Variants in RGS6 observed in about 807,000 individuals in gnomAD.
RGS6 encodes regulator of G-protein signaling 6.
Under a neutral mutation model 78.5 loss-of-function variants are expected in RGS6, and 30 were observed. The observed-to-expected ratio is 0.38, with a 90% CI of 0.29 to 0.52. The LOEUF (loss-of-function observed/expected upper bound fraction) is 0.52, where lower values mean the gene tolerates loss of function less well. Among genes scored for constraint, RGS6 ranks in the 20% least tolerant of loss-of-function variants. RGS6 has a pLI of 0.85. For synonymous variants in RGS6, 206 were observed against 206.0 expected, an observed-to-expected ratio of 1.00 and a Z score of 0.00; for missense variants, 495 against 609.7, an observed-to-expected ratio of 0.81 and a Z score of 1.98.
At chr14:72,505,763 C>G (rs570782541) in intron 13 of RGS6, among the ~76,000 whole-genome samples, 1 of 152,336 alleles carries the variant, frequency 6.6e-6, no homozygotes, top group East Asian at 1.9e-4. Context: ...AATACAATGT[C>G]AGCCTCCCTG....
At chr14:72,570,326 G>A (rs921789840), downstream of RGS6, among the ~76,000 whole-genome samples, 12 of 152,224 alleles carry the variant, frequency 7.9e-5, no homozygotes, top group South Asian at 6.2e-4. Flanking sequence ...TTTGGTATCC[G>A]TGGGAAAAGG....
At chr14:72,132,559 A>T (rs1408517495) in intron 2 of RGS6, among the ~76,000 whole-genome samples, 1 of 152,064 alleles carries the variant, frequency 6.6e-6, no homozygotes, top group Non-Finnish European at 1.5e-5. Context: ...GATTACACAC[A>T]TGAGCCACCA....
At chr14:72,021,227 C>T (rs1025593366) in intron 2 of RGS6, among the ~76,000 whole-genome samples, 13 of 152,122 alleles carry the variant, frequency 8.5e-5, no homozygotes, top group Admixed American at 6.5e-5. Context: ...TTCCCACAGC[C>T]GTTGTGGATA....
chr14:72,365,513 G>A (rs2082293825), intron 3 of RGS6, among the ~76,000 whole-genome samples: 1 of 152,160 alleles, frequency 6.6e-6, no homozygotes, highest in South Asian at 2.1e-4. Flanking sequence ...CTACCAGTTG[G>A]AACAGTGACA....
chr14:71,931,118 C>T (rs1203049917), upstream of RGS6, among the ~76,000 whole-genome samples: 3 of 151,674 alleles, frequency 2.0e-5, no homozygotes, highest in East Asian at 1.9e-4. Flanking sequence ...GCTCCACAAC[C>T]GGCTTGAGCC....
chr14:72,466,977 A>G (rs1487314656), intron 7 of RGS6, among the ~76,000 whole-genome samples: 2 of 152,110 alleles, frequency 1.3e-5, no homozygotes, highest in Admixed American at 6.5e-5. Context: ...CACATGAGGT[A>G]TCTACTTCCC....
chr14:72,404,814 G>A (rs1029516712), intron 3 of RGS6, among the ~76,000 whole-genome samples: 1 of 152,178 alleles, frequency 6.6e-6, no homozygotes, highest in Admixed American at 6.5e-5. Context: ...TGCATCCCGA[G>A]ATAGCGAGAG....
intron 2 of RGS6, among the ~76,000 whole-genome samples, chr14:72,255,414 C>G (rs1395994125): frequency 6.6e-6 from 1 of 152,194 alleles, no homozygotes; most frequent in African/African-American, 2.4e-5. Flanking sequence ...AAATATATTA[C>G]AACTAGGACA....
chr14:72,074,796 G>A (rs1269763987), intron 2 of RGS6, among the ~76,000 whole-genome samples: 14 of 152,128 alleles, frequency 9.2e-5, no homozygotes, highest in Admixed American at 9.2e-4. Context: ...AAGTAAGACA[G>A]TCATCAACAG....
At chr14:72,446,347 T>C (rs2095363099) in intron 3 of RGS6, among the ~76,000 whole-genome samples, 2 of 152,170 alleles carry the variant, frequency 1.3e-5, no homozygotes, top group Admixed American at 1.3e-4. Context: ...CAGACATCGA[T>C]CAAATAATTA....
chr14:72,156,425 G>A (rs367876901), intron 2 of RGS6, among the ~76,000 whole-genome samples: 43 of 132,208 alleles, frequency 3.3e-4, no homozygotes, highest in East Asian at 2.4e-3. Context: ...CTGCACTCCA[G>A]CCTGGGTGAC....
At position 72,496,926 on chromosome 14, in the gene RGS6, T is replaced by G. The variant is rs73298801; in HGVS notation, c.965+1664T>G. ...GTCTTTCCATGTAAACACATATAGA[T>G]CCACCTTACTCTTTTTAATAGCTAC... On this transcript the variant is annotated intron_variant, in intron 13 of 17. Coordinates refer to ENST00000553525, the MANE Select transcript of RGS6 (RefSeq NM_001204424.2). Among the ~76,000 whole-genome samples, 1,332 of 152,280 alleles carry G rather than the reference T, an allele frequency of 8.7e-3. 15 individuals are homozygous for G. The highest frequency in any genetic ancestry group is 0.029 in the African/African-American group (1,208 of 41,556).
intron 2 of RGS6, among the ~76,000 whole-genome samples, chr14:72,153,157 C>G (rs1184156298): frequency 6.6e-6 from 1 of 152,184 alleles, no homozygotes; most frequent in African/African-American, 2.4e-5. Context: ...GTCACTTGCT[C>G]TCTGTTGGGA....
chr14:72,150,351 G>GA (rs1038535193), intron 2 of RGS6, among the ~76,000 whole-genome samples: 1 of 152,086 alleles, frequency 6.6e-6, no homozygotes, highest in African/African-American at 2.4e-5. Flanking sequence ...TCAACACCTT[G>GA]ATTCCAGACT....
chr14:72,310,383 C>G (rs912092454), intron 2 of RGS6, among the ~76,000 whole-genome samples: 1 of 152,180 alleles, frequency 6.6e-6, no homozygotes. Flanking sequence ...AAATACTGAG[C>G]TTTGTCTTTC....
At chr14:72,523,546 C>T (rs1953476822) in intron 15 of RGS6, among the ~76,000 whole-genome samples, 1 of 152,150 alleles carries the variant, frequency 6.6e-6, no homozygotes, top group Non-Finnish European at 1.5e-5. Context: ...GGTGCAGCCT[C>T]TCTCCAATGG....
chr14:72,416,173 A>G (rs1358380768), intron 3 of RGS6, among the ~76,000 whole-genome samples: 2 of 151,768 alleles, frequency 1.3e-5, no homozygotes, highest in African/African-American at 2.4e-5. Context: ...GTTTATTCCT[A>G]GTTTTACATT....
chr14:71,987,597 C>G (rs1307725039), intron 2 of RGS6, among the ~76,000 whole-genome samples: 1 of 152,080 alleles, frequency 6.6e-6, no homozygotes, highest in Non-Finnish European at 1.5e-5. Context: ...GTGATCTTGG[C>G]TCACTCAGCC....
At chr14:72,457,437 C>A (rs2153231994) in intron 4 of RGS6, among the ~76,000 whole-genome samples, 1 of 151,962 alleles carries the variant, frequency 6.6e-6, no homozygotes, top group Admixed American at 6.6e-5. Context: ...TTTTTCTTAG[C>A]TCTGCTCAGG....
Sources: allele counts gnomAD v4.1 joint callset (sites outside exome capture counted in the v4.1 genomes callset), GRCh38; gene constraint gnomAD v4.1.1; transcripts MANE v1.5; gene names NCBI Gene and HGNC (gene_info 2026-07-23, HGNC 2026-07-21).